AGXT2: variants seen among roughly 807,000 people sequenced by gnomAD.
AGXT2 encodes alanine--glyoxylate aminotransferase 2, also known as alanine--glyoxylate aminotransferase 2, mitochondrial.
AGXT2 carries 61 observed loss-of-function variants against 62.5 expected under a neutral mutation model. The ratio of observed to expected loss-of-function variants is 0.98; its 90% confidence interval spans 0.79 to 1.21. The LOEUF is 1.21. Among genes scored for constraint, AGXT2 ranks in the 50% most tolerant of loss-of-function variants. AGXT2 has a pLI of 0.00. For missense variants in AGXT2, 666 were observed against 641.5 expected, an observed-to-expected ratio of 1.04 and a Z score of -0.41; for synonymous variants, 243 against 218.7, an observed-to-expected ratio of 1.11 and a Z score of -0.98.
In AGXT2 at chr5:35,032,714, C is replaced by T; in HGVS notation, c.769+18G>A. The T allele has an allele frequency of 6.3e-7, 1 of 1,591,346 alleles. No individual in the cohort carries two copies. The highest frequency in any genetic ancestry group is 8.6e-7 in the Non-Finnish European group (1 of 1,166,358). On this transcript the variant is annotated intron_variant, in intron 7 of 13. Transcript: ENST00000231420. ...CAACTTCCAACACTCCACTGGCACC[C>T]CCCTTGCCCAGTCGGACCTGGTGCA...
At chr5:35,012,927 G>A (rs1766698920) in intron 11 of AGXT2, 27 bp downstream of exon 11, 3 of 1,544,856 alleles carry the variant, frequency 1.9e-6, no homozygotes, top group African/African-American at 1.4e-5. Context: ...TGAAATGAGT[G>A]AGGTTAATGT....
intron 9 of AGXT2, among the ~76,000 whole-genome samples, chr5:35,014,452 C>CAAAA (rs61052930): frequency 0.26 from 21,897 of 85,662 alleles, 3,209 homozygotes; most frequent in Non-Finnish European, 0.33. Context: ...GACTCCATCT[C>CAAAA]AAAAAAAAAA....
chr5:35,035,357 C>T (rs1561231413), intron 4 of AGXT2, 41 bp from the exon 5 acceptor site: 3 of 1,543,446 alleles, frequency 1.9e-6, no homozygotes, highest in South Asian at 2.2e-5. Context: ...TAATTTATTT[C>T]CTTATTACCC....
intron 1 of AGXT2, among the ~76,000 whole-genome samples, chr5:35,041,532 A>G (rs1297430790): frequency 3.3e-5 from 5 of 152,132 alleles, no homozygotes; most frequent in Non-Finnish European, 7.3e-5. Flanking sequence ...CCCCTGCAGC[A>G]GTGGGATGGA....
intron 12 of AGXT2, among the ~76,000 whole-genome samples, chr5:35,009,695 A>G (rs1561213734): frequency 6.6e-6 from 1 of 152,098 alleles, no homozygotes; most frequent in Non-Finnish European, 1.5e-5. Context: ...GTTTCTCCCC[A>G]GATAATTTCC....
intron 13 of AGXT2, among the ~76,000 whole-genome samples, chr5:35,000,245 C>CCCCA (rs61378157): frequency 0.88 from 133,135 of 151,708 alleles, 58,732 homozygotes; most frequent in Middle Eastern, 0.95. Flanking sequence ...CTTTGGAATT[C>CCCCA]CCCCACTTCC....
intron 1 of AGXT2, among the ~76,000 whole-genome samples, chr5:35,042,887 C>T (rs1447008061): frequency 6.6e-6 from 1 of 152,076 alleles, no homozygotes; most frequent in Non-Finnish European, 1.5e-5. Flanking sequence ...TTTAACTAAT[C>T]GGATAGTGCC....
intron 7 of AGXT2, among the ~76,000 whole-genome samples, chr5:35,027,846 C>T (rs909733106): frequency 1.3e-5 from 2 of 149,612 alleles, no homozygotes; most frequent in Non-Finnish European, 3.0e-5. Flanking sequence ...CTTGGAGGGC[C>T]AGTCTGCAGG....
intron 9 of AGXT2, among the ~76,000 whole-genome samples, chr5:35,021,943 C>T (rs541679691): frequency 1.3e-5 from 2 of 152,300 alleles, no homozygotes; most frequent in South Asian, 4.1e-4. Flanking sequence ...CAAAAGAAGA[C>T]ATTTATGCAG....
chr5:35,006,684 G>A (rs163842), intron 12 of AGXT2, among the ~76,000 whole-genome samples: 145,337 of 152,254 alleles, frequency 0.95, 69,632 homozygotes, highest in Non-Finnish European at 1. Flanking sequence ...TTCAAACCAT[G>A]TCACCAGGTC....
chr5:35,025,722 T>G (rs750224141), intron 9 of AGXT2, 41 bp downstream of exon 9: 6 of 1,591,964 alleles, frequency 3.8e-6, no homozygotes, highest in Non-Finnish European at 5.2e-6. Flanking sequence ...GTGCATCTCC[T>G]GTTCCCACTG....
intron 9 of AGXT2, 61 bp from the exon 10 acceptor site, chr5:35,014,180 G>T: frequency 1.2e-6 from 2 of 1,608,544 alleles, no homozygotes; most frequent in South Asian, 2.2e-5. Flanking sequence ...TCGACAGGGC[G>T]CGGTGGCTCA....
At position 35,026,503 on chromosome 5, in the gene AGXT2, G is replaced by A. The variant is rs749341798; in HGVS notation, c.777C>T (p.Cys259=). 5 of 1,613,520 alleles carry A rather than the reference G, an allele frequency of 3.1e-6. No homozygotes were observed. Among genetic ancestry groups the A allele is most frequent in the East Asian group, 2.2e-5 (1 of 44,850 alleles). ...GCTCAATATACTGATCTTTAGCTTGGCAGCAGTCTGCAAAAAGCAAACAAC... is the reference window on the plus strand; with the variant it reads ...GCTCAATATACTGATCTTTAGCTTGACAGCAGTCTGCAAAAAGCAAACAAC... ...IRKCSCAPDC[C]QAKDQYIEQF... The change falls in exon 8 of 14, where the codon TGC becomes TGT. Residue 259 remains cysteine (C), a synonymous_variant. Coordinates refer to ENST00000231420, the MANE Select transcript of AGXT2 (RefSeq NM_031900.4).
chr5:35,018,389 A>G (rs909580386), intron 9 of AGXT2, among the ~76,000 whole-genome samples: 2 of 152,254 alleles, frequency 1.3e-5, no homozygotes, highest in Non-Finnish European at 2.9e-5. Flanking sequence ...CAGAAACTCT[A>G]CAAGCCAGAA....
At chr5:35,044,487 G>A (rs1457454666) in intron 1 of AGXT2, among the ~76,000 whole-genome samples, 2 of 152,218 alleles carry the variant, frequency 1.3e-5, no homozygotes, top group African/African-American at 4.8e-5. Flanking sequence ...GTGCAAGGAT[G>A]ATGGCAGTGA....
At chr5:35,007,684 T>C (rs984126001) in intron 12 of AGXT2, among the ~76,000 whole-genome samples, 2 of 152,148 alleles carry the variant, frequency 1.3e-5, no homozygotes, top group African/African-American at 4.8e-5. Flanking sequence ...TACTAACAAA[T>C]GGTTCAGCGA....
At chr5:35,028,588 AG>A (rs1371946530) in intron 7 of AGXT2, among the ~76,000 whole-genome samples, 21 of 149,560 alleles carry the variant, frequency 1.4e-4, no homozygotes, top group African/African-American at 2.2e-4. Context: ...AGAGAGAGAG[AG>A]AGAGAGAGAG....
intron 11 of AGXT2, among the ~76,000 whole-genome samples, chr5:35,010,518 A>T (rs1766593853): frequency 6.8e-6 from 1 of 146,758 alleles, no homozygotes; most frequent in African/African-American, 2.6e-5. Context: ...TCTCTACTTT[A>T]AAAAAAAAAT....
chr5:35,001,649 C>T (rs1414642436), intron 13 of AGXT2, among the ~76,000 whole-genome samples: 1 of 152,164 alleles, frequency 6.6e-6, no homozygotes, highest in Non-Finnish European at 1.5e-5. Context: ...GGGCTTCATA[C>T]CAGCTCCACT....
Sources: allele counts gnomAD v4.1 joint callset (sites outside exome capture counted in the v4.1 genomes callset), GRCh38; gene constraint gnomAD v4.1.1; transcripts MANE v1.5; gene names NCBI Gene and HGNC (gene_info 2026-07-23, HGNC 2026-07-21).